TCF20: variants seen among roughly 807,000 people sequenced by gnomAD.
TCF20 encodes the protein SPRE-binding protein.
Under a neutral mutation model 148.6 loss-of-function variants are expected in TCF20, and 3 were observed. The observed-to-expected ratio is 0.02, with a 90% CI of 0.01 to 0.05. The LOEUF (loss-of-function observed/expected upper bound fraction) is 0.05, where lower values mean the gene tolerates loss of function less well. Among genes scored for constraint, TCF20 ranks in the 10% least tolerant of loss-of-function variants. The probability of loss-of-function intolerance (pLI) is 1.00; values close to 1 mark genes in which losing one functional copy is unlikely to be tolerated. For synonymous variants in TCF20, 1,049 were observed against 909.5 expected (o/e 1.15, Z -2.76); for missense variants, 2,350 against 2,429.3 (o/e 0.97, Z 0.69).
At chr22:42,324,089 T>C in intron 1 of TCF20, among the ~76,000 whole-genome samples, 1 of 88,914 alleles carries the variant, frequency 1.1e-5, no homozygotes, top group Non-Finnish European at 2.5e-5. Context: ...GTGGTGGTGG[T>C]GATGGAGGTT....
chr22:42,271,843 G>A (rs1429355672), upstream of TCF20, among the ~76,000 whole-genome samples: 1 of 152,226 alleles, frequency 6.6e-6, no homozygotes, highest in African/African-American at 2.4e-5. Flanking sequence ...GGAACCAGGT[G>A]TGGTCTGGAA....
In TCF20 at chr22:42,297,774, C is replaced by G. The variant is rs1271499202; in HGVS notation, c.-37+45705G>C. 1.3e-5 allele frequency among the ~76,000 whole-genome samples: 2 copies of G among 152,192 alleles called. No individual in the cohort carries two copies. The highest frequency in any genetic ancestry group is 3.9e-4 in the East Asian group (2 of 5,192). The stretch of plus-strand genomic sequence containing the variant: ...CAACAGAAGGCCTCGGGTCGCATCC[C>G]CCCACCAGCTGGGGCCCCTGTCAGG... On this transcript the variant is annotated intron_variant, in intron 1 of 1. Transcript: ENST00000515426. The surrounding 1 kb of genome is among the most constrained non-coding windows in gnomAD (Gnocchi z 4.3).
rs776091004 is a variant in TCF20 at position 42,212,612 on chromosome 22, G to A, written c.2694C>T (p.Asp898=). The change falls in exon 2 of 6, where the codon GAC becomes GAT. Residue 898 remains aspartate, a synonymous_variant. Transcript: ENST00000677622. ...MSADTRIGRN[D]RLNPTLSQSV... is the part of the protein sequence containing the mutation. ...ACTGACTTAAAGTTGGATTGAGACGGTCATTCCTCCCAATTCTGGTGTCGG... is the reference window on the plus strand; with the variant it reads ...ACTGACTTAAAGTTGGATTGAGACGATCATTCCTCCCAATTCTGGTGTCGG... 3 of 1,614,150 alleles carry A rather than the reference G, an allele frequency of 1.9e-6. No individual in the cohort carries two copies. Among genetic ancestry groups the A allele is most frequent in the South Asian group, 2.2e-5 (2 of 91,086 alleles).
chr22:42,242,214 A>AC, intron 1 of TCF20, among the ~76,000 whole-genome samples: 3 of 149,834 alleles, frequency 2.0e-5, no homozygotes, highest in South Asian at 2.1e-4. Context: ...AAAAAAAAAA[A>AC]AAAAAAAAAA....
At chr22:42,327,507 G>A (rs1927895767) in intron 1 of TCF20, among the ~76,000 whole-genome samples, 1 of 152,140 alleles carries the variant, frequency 6.6e-6, no homozygotes. Flanking sequence ...CAGGAGACAC[G>A]GCTCACTCAT....
intron 1 of TCF20, among the ~76,000 whole-genome samples, chr22:42,321,509 C>T (rs1156391375): frequency 1.3e-5 from 2 of 150,300 alleles, no homozygotes; most frequent in Admixed American, 1.3e-4. Context: ...GGGCTCTTGT[C>T]CTCTCTTCAA....
upstream of TCF20, among the ~76,000 whole-genome samples, chr22:42,285,847 C>T (rs1446605933): frequency 6.6e-6 from 1 of 152,106 alleles, no homozygotes; most frequent in Non-Finnish European, 1.5e-5. This position sits in a 1 kb window ranked among gnomAD's most constrained non-coding sequence, Gnocchi z 4.2. Flanking sequence ...CTACTCCCAC[C>T]ACTTCCTGCG....
intron 1 of TCF20, among the ~76,000 whole-genome samples, chr22:42,247,097 T>A (rs1051546454): frequency 2.0e-5 from 3 of 152,002 alleles, no homozygotes; most frequent in African/African-American, 7.2e-5. Flanking sequence ...TTAGATTTCA[T>A]GGAGAAAAGT....
At chr22:42,277,558 C>T (rs910727408) in intron 1 of TCF20, among the ~76,000 whole-genome samples, 5 of 152,006 alleles carry the variant, frequency 3.3e-5, no homozygotes, top group South Asian at 2.1e-4. Flanking sequence ...AAAGGCCCTG[C>T]GGTAGGAGGG....
chr22:42,223,748 CTG>C (rs1227144721), intron 1 of TCF20, among the ~76,000 whole-genome samples: 11 of 152,186 alleles, frequency 7.2e-5, no homozygotes, highest in African/African-American at 4.8e-5. Flanking sequence ...CTAGATATAT[CTG>C]TAACACCTGT....
rs546284028 is a variant in TCF20 at position 42,299,103 on chromosome 22, G to A, written c.-37+44376C>T. ...GCCTGCCCAGACCCCTGCTGTGGAGGGGAACGGAGACCTGGAGGGGTACCC... is the reference window on the plus strand; with the variant it reads ...GCCTGCCCAGACCCCTGCTGTGGAGAGGAACGGAGACCTGGAGGGGTACCC... On this transcript the variant is annotated intron_variant, in intron 1 of 1. Coordinates refer to the TCF20 transcript ENST00000515426. The surrounding 1 kb of genome is among the most constrained non-coding windows in gnomAD (Gnocchi z 4.1). Among the ~76,000 whole-genome samples, 261 of 152,338 alleles carry A rather than the reference G, an allele frequency of 1.7e-3. No homozygotes were observed. Among genetic ancestry groups the A allele is most frequent in the Non-Finnish European group, 2.7e-3 (185 of 68,022 alleles).
chr22:42,169,839 T>G lies in TCF20; in HGVS notation c.5799+8A>C. On this transcript the variant is annotated splice_region_variant and intron_variant, in intron 4 of 5. Transcript: ENST00000677622. Reference sequence around the variant, plus strand: ...CCCTGCTGGTAGCTCTTGGGGCCTCTGACTCACCTTGTGCTTAGGGCACCT... The same window carrying G: ...CCCTGCTGGTAGCTCTTGGGGCCTCGGACTCACCTTGTGCTTAGGGCACCT... The G allele has an allele frequency of 6.2e-7, 1 of 1,613,558 alleles. No individual in the cohort carries two copies. The highest frequency in any genetic ancestry group is 8.5e-7 in the Non-Finnish European group (1 of 1,179,986).
chr22:42,291,595 T>C (rs1927134235), intron 1 of TCF20, among the ~76,000 whole-genome samples: 2 of 152,166 alleles, frequency 1.3e-5, no homozygotes, highest in South Asian at 2.1e-4. Flanking sequence ...TTCCTGATGG[T>C]GCATGCAGCA....
intron 1 of TCF20, among the ~76,000 whole-genome samples, chr22:42,229,584 A>C (rs1367057481): frequency 1.3e-5 from 2 of 152,170 alleles, no homozygotes; most frequent in Non-Finnish European, 2.9e-5. Flanking sequence ...TAGGGTGCGT[A>C]ACAACAGGTT....
In TCF20 at chr22:42,290,811, G is replaced by A. The variant is rs1169305708; in HGVS notation, c.-37+52668C>T. Among the ~76,000 whole-genome samples, 1 of 152,194 alleles carries A rather than the reference G, an allele frequency of 6.6e-6. No individual in the cohort carries two copies. The highest frequency in any genetic ancestry group is 6.5e-5 in the Admixed American group (1 of 15,286). On this transcript the variant is annotated intron_variant, in intron 1 of 1. Coordinates refer to the TCF20 transcript ENST00000515426. This position sits in a 1 kb window ranked among gnomAD's most constrained non-coding sequence, Gnocchi z 4.2. ...GAGGTCAGCCTCCCAGAGCACACAG[G>A]GGCCTTGGGGCAGGCCTGCTGCCCA...
At chr22:42,169,590 AACAG>A (rs1052322768) in intron 4 of TCF20, among the ~76,000 whole-genome samples, 7 of 152,192 alleles carry the variant, frequency 4.6e-5, no homozygotes, top group African/African-American at 2.4e-5. Flanking sequence ...TCTCTTAATG[AACAG>A]ACAAACACCC....
intron 2 of TCF20, among the ~76,000 whole-genome samples, chr22:42,206,172 CA>C (rs773614321): frequency 5.9e-5 from 9 of 152,102 alleles, no homozygotes; most frequent in Non-Finnish European, 2.9e-5. Context: ...TAAAAGTTTA[CA>C]CAAAAAAACT....
intron 1 of TCF20, among the ~76,000 whole-genome samples, chr22:42,260,381 C>T (rs1013396690): frequency 6.6e-6 from 1 of 151,982 alleles, no homozygotes; most frequent in Non-Finnish European, 1.5e-5. Flanking sequence ...TTGACATAAT[C>T]CAATTTGAAT....
chr22:42,327,034 A>G (rs1396247860), intron 1 of TCF20, among the ~76,000 whole-genome samples: 1 of 152,234 alleles, frequency 6.6e-6, no homozygotes, highest in Non-Finnish European at 1.5e-5. Flanking sequence ...CACGTATTCA[A>G]TGATGACTGT....
Sources: gnomAD v4.1 joint callset for allele counts (sites outside exome capture counted in the v4.1 genomes callset) on GRCh38, gnomAD v4.1.1 for gene constraint, Gnocchi (gnomAD v3.1) non-coding constraint, MANE v1.5 for transcripts, NCBI Gene and HGNC (gene_info 2026-07-23, HGNC 2026-07-21) for gene names.